ITGB6: variants seen among roughly 807,000 people sequenced by gnomAD.
The protein encoded by ITGB6 is integrin beta-6.
Under a neutral mutation model 84.5 loss-of-function variants are expected in ITGB6, and 80 were observed. That is an observed-to-expected ratio of 0.95 (90% CI 0.79 to 1.14). ITGB6 has a LOEUF of 1.14. Among genes scored for constraint, ITGB6 ranks in the 50% most tolerant of loss-of-function variants. ITGB6 has a pLI of 0.00. For synonymous variants in ITGB6, 383 were observed against 354.9 expected, an observed-to-expected ratio of 1.08 and a Z score of -0.89; for missense variants, 1,006 against 968.0, an observed-to-expected ratio of 1.04 and a Z score of -0.52.
At chr2:160,166,601 T>A (rs934252428) in intron 7 of ITGB6, among the ~76,000 whole-genome samples, 1 of 152,060 alleles carries the variant, frequency 6.6e-6, no homozygotes, top group African/African-American at 2.4e-5. Flanking sequence ...ATATAAAAAC[T>A]TTTTTTTAAC....
intron 4 of ITGB6, among the ~76,000 whole-genome samples, chr2:160,194,537 AGC>A (rs761236326): frequency 8.3e-4 from 126 of 152,160 alleles, no homozygotes; most frequent in Non-Finnish European, 1.4e-3. Context: ...AATCTCTCAG[AGC>A]CTCTTACTTC....
Position 160,112,333 on chromosome 2 carries a change from GT to G in ITGB6, c.1982-135del, listed in dbSNP as rs995170476. On this transcript the variant is annotated intron_variant, in intron 12 of 14. Transcript: ENST00000283249. ...CAGAATGAGAATAGGAGAGGCATAGGTTTTTTTTTTTCTCATGAAGTGAGGT... is the reference window on the plus strand; with the variant it reads ...CAGAATGAGAATAGGAGAGGCATAGGTTTTTTTTTTCTCATGAAGTGAGGT... 4.6e-3 allele frequency: 2,872 copies of G among 627,704 alleles called. 5 individuals carry two copies. The highest frequency in any genetic ancestry group is 6.6e-3 in the East Asian group (173 of 26,034). The allele number at this position is 627,704 out of a possible 1,614,324, so 38.9% of individuals were successfully genotyped here. A position where few individuals can be genotyped will look rare whatever the true frequency, so the allele number is the denominator to read the frequency against.
intron 8 of ITGB6, among the ~76,000 whole-genome samples, chr2:160,140,968 T>C (rs1048794453): frequency 1.3e-5 from 2 of 152,172 alleles, no homozygotes; most frequent in Non-Finnish European, 2.9e-5. Flanking sequence ...TGTGAGAGGA[T>C]AGGCCTATTT....
chr2:160,197,678 C>T (rs906332610), intron 2 of ITGB6, among the ~76,000 whole-genome samples: 1 of 152,218 alleles, frequency 6.6e-6, no homozygotes, highest in East Asian at 1.9e-4. Flanking sequence ...TAGGCCTGTG[C>T]GTGTCTGAAG....
At chr2:160,134,247 A>C (rs186463964) in intron 10 of ITGB6, among the ~76,000 whole-genome samples, 2 of 152,284 alleles carry the variant, frequency 1.3e-5, no homozygotes, top group Non-Finnish European at 2.9e-5. Context: ...CACAGAAATA[A>C]AAACTACCAT....
intron 7 of ITGB6, among the ~76,000 whole-genome samples, chr2:160,155,059 G>C (rs899710185): frequency 2.0e-5 from 3 of 152,166 alleles, no homozygotes; most frequent in Admixed American, 2.0e-4. Context: ...CTCCGCGCCT[G>C]CTTTTCCTTC....
In ITGB6 at chr2:160,138,051, G is replaced by C. The variant is rs1559138838; in HGVS notation, c.1242+14C>G. 1 of 1,607,810 alleles carries C rather than the reference G, an allele frequency of 6.2e-7. No individual in the cohort carries two copies. The highest frequency in any genetic ancestry group is 8.5e-7 in the Non-Finnish European group (1 of 1,177,552). On this transcript the variant is annotated intron_variant, in intron 9 of 14. Coordinates refer to ENST00000283249, the MANE Select transcript of ITGB6 (RefSeq NM_000888.5). ...CAGGTATTTATTCAGACTATCTACT[G>C]GCCAGCTACTTACTGTGTCTCCCAC...
intron 4 of ITGB6, among the ~76,000 whole-genome samples, chr2:160,180,808 TG>T (rs1340419047): frequency 1.3e-5 from 2 of 152,136 alleles, no homozygotes; most frequent in Non-Finnish European, 2.9e-5. Flanking sequence ...TCACTGGGAC[TG>T]GTTAGACAAT....
Position 160,126,449 on chromosome 2 carries a change from T to C in ITGB6, c.1813A>G (p.Thr605Ala). The change falls in exon 11 of 15, where the codon ACA (threonine) becomes GCA (alanine). Residue 605 changes from threonine to alanine, a missense_variant. By Grantham distance (58) the Thr-to-Ala change is moderately conservative. Transcript: ENST00000283249. ...GDCVCGKCVC[T>A]NPGASGPTCE... is the part of the protein sequence containing the mutation. ...GTTGGTCCTGAGGCTCCAGGGTTTG[T>C]GCAAACACACTTGCCACAAACACAG... 5.6e-6 allele frequency: 9 copies of C among 1,614,192 alleles called. No individual in the cohort carries two copies. The highest frequency in any genetic ancestry group is 6.8e-6 in the Non-Finnish European group (8 of 1,180,026).
At chr2:160,162,331 A>G (rs1684849372) in intron 7 of ITGB6, among the ~76,000 whole-genome samples, 1 of 152,174 alleles carries the variant, frequency 6.6e-6, no homozygotes, top group Non-Finnish European at 1.5e-5. Context: ...ATAAGCCAAA[A>G]CTACATAATT....
At chr2:160,186,272 CAA>C (rs200245831) in intron 4 of ITGB6, among the ~76,000 whole-genome samples, 1 of 133,834 alleles carries the variant, frequency 7.5e-6, no homozygotes, top group Non-Finnish European at 1.6e-5. Context: ...AACAAATTTC[CAA>C]AAAAAAAAAA....
At chr2:160,127,648 A>G (rs1010708220) in intron 10 of ITGB6, among the ~76,000 whole-genome samples, 3 of 152,222 alleles carry the variant, frequency 2.0e-5, no homozygotes, top group African/African-American at 7.2e-5. Flanking sequence ...GCTCAGAATA[A>G]ATCTCTTCGA....
intron 10 of ITGB6, among the ~76,000 whole-genome samples, chr2:160,136,088 A>G (rs1439877780): frequency 6.6e-6 from 1 of 152,220 alleles, no homozygotes. Flanking sequence ...TCTGCACAGT[A>G]AAAGAAACTA....
rs141190685 is a variant in ITGB6 at position 160,122,204 on chromosome 2, T to C, written c.1981+1587A>G. On this transcript the variant is annotated intron_variant, in intron 12 of 14. Coordinates refer to ENST00000283249, the MANE Select transcript of ITGB6 (RefSeq NM_000888.5). ...TACAAATAATTGTATCTCCCTATTT[T>C]GAAATAATTTAGTCAAATACACAAA... is the stretch of plus-strand genomic sequence containing the variant. Among the ~76,000 whole-genome samples, 55 of 152,254 alleles carry C rather than the reference T, an allele frequency of 3.6e-4. No individual in the cohort carries two copies. In the East Asian group the frequency reaches 7.9e-3, roughly 22 times the overall value.
rs1696715089 is a variant in ITGB6 at position 160,101,430 on chromosome 2, C to T, written c.*306G>A. On this transcript the variant is annotated 3_prime_UTR_variant, in exon 15 of 15. Transcript: ENST00000283249. The stretch of plus-strand genomic sequence containing the variant: ...CCTGAAACAAATGAGACTCTAATTT[C>T]AAACATTTTTCAAATGCAAATCAGG... 3.4e-6 allele frequency: 1 copy of T among 294,576 alleles called. No homozygotes were observed. 18.2% of individuals were successfully genotyped at this position (294,576 alleles called of 1,614,324 possible).
intron 7 of ITGB6, among the ~76,000 whole-genome samples, chr2:160,167,433 G>A (rs13426637): frequency 0.13 from 19,341 of 152,202 alleles, 2,386 homozygotes; most frequent in East Asian, 0.45. Flanking sequence ...GTCAGTCATA[G>A]AGTGGGTGGC....
chr2:160,157,415 G>A (rs527461315), intron 7 of ITGB6, among the ~76,000 whole-genome samples: 1 of 152,266 alleles, frequency 6.6e-6, no homozygotes, highest in South Asian at 2.1e-4. Context: ...AGTCACAGAT[G>A]TAATACATGG....
At chr2:160,104,861 GT>G in intron 14 of ITGB6, among the ~76,000 whole-genome samples, 1 of 152,310 alleles carries the variant, frequency 6.6e-6, no homozygotes, top group East Asian at 1.9e-4. Flanking sequence ...GCTCTGAAAT[GT>G]TTTAGGAGGT....
intron 12 of ITGB6, among the ~76,000 whole-genome samples, chr2:160,116,045 C>A (rs1374772231): frequency 5.1e-4 from 73 of 144,142 alleles, no homozygotes; most frequent in Non-Finnish European, 6.6e-4. Flanking sequence ...ATTGGTGTAC[C>A]TGAAAGTGAC....
Sources: allele counts gnomAD v4.1 joint callset (sites outside exome capture counted in the v4.1 genomes callset), GRCh38; gene constraint gnomAD v4.1.1; transcripts MANE v1.5; gene names NCBI Gene and HGNC (gene_info 2026-07-23, HGNC 2026-07-21).